ATP8B4: variants seen among roughly 807,000 people sequenced by gnomAD.
ATP8B4 encodes probable phospholipid-transporting ATPase IM.
A neutral mutation model predicts 145.6 loss-of-function variants in ATP8B4; 133 were observed. The observed-to-expected ratio is 0.91, with a 90% CI of 0.79 to 1.05. The LOEUF (loss-of-function observed/expected upper bound fraction) is 1.05, where lower values mean the gene tolerates loss of function less well. ATP8B4 is among the 50% of genes least tolerant of loss of function. ATP8B4 has a pLI of 0.00. For synonymous variants in ATP8B4, 507 were observed against 492.9 expected, an observed-to-expected ratio of 1.03 and a Z score of -0.38; for missense variants, 1,458 against 1,425.2, an observed-to-expected ratio of 1.02 and a Z score of -0.37.
chr15:50,010,283 T>A (rs1053949999), intron 7 of ATP8B4, among the ~76,000 whole-genome samples: 1 of 152,130 alleles, frequency 6.6e-6, no homozygotes, highest in Non-Finnish European at 1.5e-5. Context: ...CCTTGAATTT[T>A]ATTAAGGAAA....
chr15:50,094,686 A>G (rs570227377), intron 2 of ATP8B4, among the ~76,000 whole-genome samples: 1 of 138,454 alleles, frequency 7.2e-6, no homozygotes, highest in South Asian at 2.3e-4. Flanking sequence ...ATATTTGTAT[A>G]TATGTGTGTG....
At chr15:50,048,801 G>C (rs1228803352) in intron 3 of ATP8B4, among the ~76,000 whole-genome samples, 1 of 152,068 alleles carries the variant, frequency 6.6e-6, no homozygotes, top group Admixed American at 6.5e-5. Context: ...AAATTCCAAA[G>C]AGATATGTAG....
intron 6 of ATP8B4, among the ~76,000 whole-genome samples, chr15:50,025,490 T>C (rs1308801972): frequency 1.3e-5 from 2 of 152,206 alleles, no homozygotes; most frequent in Non-Finnish European, 2.9e-5. Context: ...ATTTTCCCTC[T>C]GGAATTCTTC....
At position 49,916,941 on chromosome 15, in the gene ATP8B4, CTT is replaced by C. The variant is rs776540034; in HGVS notation, c.2132_2133del (p.Glu711GlyfsTer24). ...CCTTCCTTCAACACCTACCTGAGTT[CTT>C]CTCTCACTTCCACAGCATTATTCCC... ...IAGNNAVEVREELRKAKQNLF... is the reference protein window; with the variant it reads ...IAGNNAVEVRXELRKAKQNLF... On this transcript the variant is annotated frameshift_variant, in exon 20 of 28. Transcript: ENST00000284509. LOFTEE classifies it high-confidence loss of function. 3.9e-5 allele frequency: 63 copies of C among 1,613,300 alleles called. No homozygotes were observed. Among genetic ancestry groups the C allele is most frequent in the Non-Finnish European group, 5.1e-5 (60 of 1,179,626 alleles).
intron 9 of ATP8B4, among the ~76,000 whole-genome samples, chr15:49,993,822 C>A (rs1408561869): frequency 2.6e-5 from 4 of 152,056 alleles, no homozygotes; most frequent in African/African-American, 9.7e-5. Context: ...ATGAATCTGG[C>A]ATTACATGTT....
intron 25 of ATP8B4, among the ~76,000 whole-genome samples, chr15:49,871,197 A>C (rs965893929): frequency 2.6e-5 from 4 of 152,254 alleles, no homozygotes; most frequent in Non-Finnish European, 5.9e-5. Flanking sequence ...TGGTAATAGT[A>C]CTTACATTTC....
At chr15:49,894,954 C>T (rs1162513386) in intron 23 of ATP8B4, 2 of 152,172 alleles carry the variant, frequency 1.3e-5, no homozygotes, top group African/African-American at 4.8e-5. Flanking sequence ...TTCTTTTCCT[C>T]AAGGAGCTAA....
At chr15:49,953,299 A>T (rs2043262440) in intron 14 of ATP8B4, among the ~76,000 whole-genome samples, 1 of 152,150 alleles carries the variant, frequency 6.6e-6, no homozygotes, top group South Asian at 2.1e-4. Flanking sequence ...ATTCCTCAGA[A>T]CAACCAGGAG....
At chr15:49,905,630 A>G (rs1449642286) in intron 20 of ATP8B4, among the ~76,000 whole-genome samples, 1 of 152,178 alleles carries the variant, frequency 6.6e-6, no homozygotes, top group Non-Finnish European at 1.5e-5. Flanking sequence ...TAGAAATAAC[A>G]TTATTTTCCA....
At chr15:50,179,920 A>G (rs1307666177) in intron 1 of ATP8B4, among the ~76,000 whole-genome samples, 2 of 152,222 alleles carry the variant, frequency 1.3e-5, no homozygotes, top group Non-Finnish European at 2.9e-5. Context: ...GTGATAAAGC[A>G]AGAGCTGGAT....
rs1235073676 is a variant in ATP8B4 at position 50,041,897 on chromosome 15, G to A, written c.300+2697C>T. 1.6e-4 allele frequency among the ~76,000 whole-genome samples: 25 copies of A among 152,086 alleles called. 1 individual carries two copies. The highest frequency in any genetic ancestry group is 1.3e-3 in the Admixed American group (20 of 15,278). ...GGAGGTTGCAGTGAGCCAAGATTGC[G>A]CCACTGCACTCCAGCTTGGGTGACA... On this transcript the variant is annotated intron_variant, in intron 5 of 27. Transcript: ENST00000284509.
intron 8 of ATP8B4, among the ~76,000 whole-genome samples, chr15:50,001,744 T>C (rs1274692417): frequency 6.6e-6 from 1 of 152,208 alleles, no homozygotes; most frequent in Non-Finnish European, 1.5e-5. Context: ...CTCTCTTCTT[T>C]TTCTATGTCT....
intron 1 of ATP8B4, among the ~76,000 whole-genome samples, chr15:50,157,482 C>T (rs77838129): frequency 0.036 from 5,546 of 152,240 alleles, 139 homozygotes; most frequent in African/African-American, 0.073. Context: ...ATAGCTTTTA[C>T]GGTACAAATA....
In ATP8B4 at chr15:50,038,927, G is replaced by A. The variant is rs973467988; in HGVS notation, c.301-98C>T. ...TACTTTGAGTTCATCCATTTAAACT[G>A]TGTTGTCACTGGTCTAAGATGACAC... On this transcript the variant is annotated intron_variant, in intron 5 of 27. Transcript: ENST00000284509. 5.8e-6 allele frequency: 6 copies of A among 1,028,342 alleles called. No individual in the cohort carries two copies. In the African/African-American group the frequency reaches 7.9e-5, roughly 14 times the overall value. The allele number at this position is 1,028,342 out of a possible 1,614,324, so 63.7% of individuals were successfully genotyped here.
At chr15:49,943,026 T>C (rs1255773941) in intron 14 of ATP8B4, among the ~76,000 whole-genome samples, 1 of 152,012 alleles carries the variant, frequency 6.6e-6, no homozygotes, top group African/African-American at 2.4e-5. Flanking sequence ...AAAAAGACTT[T>C]AAAAAAATTT....
intron 3 of ATP8B4, among the ~76,000 whole-genome samples, chr15:50,072,032 ATAAATATTAATAT>A (rs1455080485): frequency 6.6e-6 from 1 of 150,592 alleles, no homozygotes; most frequent in Non-Finnish European, 1.5e-5. Flanking sequence ...ATAAATATTA[ATAAATATTAATAT>A]TAATTAATTA....
chr15:50,067,127 C>G (rs2053437747), intron 3 of ATP8B4, among the ~76,000 whole-genome samples: 1 of 152,116 alleles, frequency 6.6e-6, no homozygotes, highest in African/African-American at 2.4e-5. Flanking sequence ...CTTAACAAGC[C>G]TCACTTCTCT....
chr15:50,170,501 C>CG (rs1045747928), intron 1 of ATP8B4, among the ~76,000 whole-genome samples: 3 of 142,976 alleles, frequency 2.1e-5, no homozygotes, highest in East Asian at 4.0e-4. Flanking sequence ...CCAAACCCCC[C>CG]CCACCCTCCA....
At position 49,901,158 on chromosome 15, in the gene ATP8B4, C is replaced by T. The variant is rs1423857540; in HGVS notation, c.2223G>A (p.Glu741=). ...TGGTTTCTTCTACAATAGAATCCAA[C>T]TCCAGCTGCTGCTTTTTTTCACAAA... ...HVVCEKKQQL[E]LDSIVEETIT... is the part of the protein sequence containing the mutation. The change falls in exon 21 of 28, where the codon GAG becomes GAA. Residue 741 remains glutamate, a synonymous_variant. Transcript: ENST00000284509. 4.3e-6 allele frequency: 7 copies of T among 1,613,458 alleles called. No individual in the cohort carries two copies. The highest frequency in any genetic ancestry group is 1.1e-5 in the South Asian group (1 of 91,066).
Sources: allele counts gnomAD v4.1 joint callset (sites outside exome capture counted in the v4.1 genomes callset), GRCh38; gene constraint gnomAD v4.1.1; transcripts MANE v1.5; gene names NCBI Gene and HGNC (gene_info 2026-07-23, HGNC 2026-07-21).